FAM83B: variants seen among roughly 807,000 people sequenced by gnomAD.
FAM83B encodes the protein protein FAM83B.
FAM83B carries 26 observed loss-of-function variants against 38.8 expected under a neutral mutation model. The ratio of observed to expected loss-of-function variants is 0.67; its 90% confidence interval spans 0.49 to 0.93. The LOEUF (loss-of-function observed/expected upper bound fraction) is 0.93, where lower values mean the gene tolerates loss of function less well. FAM83B is among the 40% of genes least tolerant of loss of function. The pLI, the probability that FAM83B is intolerant of heterozygous loss-of-function variation, is 0.00. For missense variants in FAM83B, 1,237 were observed against 1,197.3 expected, an observed-to-expected ratio of 1.03 and a Z score of -0.49; for synonymous variants, 419 against 423.1, an observed-to-expected ratio of 0.99 and a Z score of 0.12.
rs1261940771 is a variant in FAM83B at position 54,941,887 on chromosome 6, T to C, written c.2916T>C (p.Tyr972=). 2 of 1,613,994 alleles carry C rather than the reference T, an allele frequency of 1.2e-6. No homozygotes were observed. The highest frequency in any genetic ancestry group is 1.7e-6 in the Non-Finnish European group (2 of 1,180,016). ...AATCTGCGACTATGGGCAACAGTTATGGCAGGTCTAGTCCATTGCTTAATT... is the reference window on the plus strand; with the variant it reads ...AATCTGCGACTATGGGCAACAGTTACGGCAGGTCTAGTCCATTGCTTAATT... ...EIKSATMGNS[Y]GRSSPLLNYN... is the part of the protein sequence containing the mutation. Residue 972 remains tyrosine (Y), a synonymous_variant, in exon 5 of 5, where the codon TAT becomes TAC. Coordinates refer to ENST00000306858, the MANE Select transcript of FAM83B (RefSeq NM_001010872.3).
chr6:54,879,432 G>A (rs1772073621), intron 2 of FAM83B, among the ~76,000 whole-genome samples: 1 of 152,146 alleles, frequency 6.6e-6, no homozygotes, highest in Admixed American at 6.5e-5. Flanking sequence ...ACTTTTACAG[G>A]CAATTATTTC....
At chr6:54,887,526 T>G (rs1486269466) in intron 2 of FAM83B, among the ~76,000 whole-genome samples, 1 of 152,174 alleles carries the variant, frequency 6.6e-6, no homozygotes, top group African/African-American at 2.4e-5. Context: ...ACTTTGGTTT[T>G]TTTGTTTATT....
chr6:54,912,698 C>G lies in FAM83B; in HGVS notation c.445-13673C>G, dbSNP rs1229738645. ...ACATGGCTAAAGTTGTTCAGTTTAGCCTGATGGCCCCCTGAAAATTTATTT... is the reference window on the plus strand; with the variant it reads ...ACATGGCTAAAGTTGTTCAGTTTAGGCTGATGGCCCCCTGAAAATTTATTT... On this transcript the variant is annotated intron_variant, in intron 2 of 4. Coordinates refer to ENST00000306858, the MANE Select transcript of FAM83B (RefSeq NM_001010872.3). 2.6e-5 allele frequency among the ~76,000 whole-genome samples: 4 copies of G among 152,024 alleles called. No individual in the cohort carries two copies. In the East Asian group the frequency reaches 7.7e-4, roughly 29 times the overall value.
At chr6:54,891,885 G>A (rs1357558336) in intron 2 of FAM83B, among the ~76,000 whole-genome samples, 2 of 151,884 alleles carry the variant, frequency 1.3e-5, no homozygotes, top group African/African-American at 4.8e-5. Flanking sequence ...TAGAACTCCT[G>A]AACTCAAGTG....
rs1380716358 is a variant in FAM83B at position 54,939,870 on chromosome 6, T to C, written c.899T>C (p.Leu300Pro). The change falls in exon 5 of 5, where the codon CTC becomes CCC. Residue 300 changes from leucine (L) to proline (P), a missense_variant. Transcript: ENST00000306858. ...ESARVKHGKA[L>P]WENGTYQHSV... ...GCAAGGGTGAAGCATGGAAAAGCCCTCTGGGAAAATGGCACTTACCAGCAT... is the reference window on the plus strand; with the variant it reads ...GCAAGGGTGAAGCATGGAAAAGCCCCCTGGGAAAATGGCACTTACCAGCAT... 3 of 1,613,922 alleles carry C rather than the reference T, an allele frequency of 1.9e-6. No homozygotes were observed. The African/African-American group carries it at 4.0e-5, about 22-fold the overall frequency.
intron 4 of FAM83B, among the ~76,000 whole-genome samples, chr6:54,936,655 A>G (rs1414655202): frequency 6.6e-6 from 1 of 151,792 alleles, no homozygotes; most frequent in Non-Finnish European, 1.5e-5. Context: ...TTCAACTAGA[A>G]CATGACCCTT....
intron 2 of FAM83B, among the ~76,000 whole-genome samples, chr6:54,885,880 A>T (rs1772263130): frequency 6.6e-6 from 1 of 151,952 alleles, no homozygotes; most frequent in Admixed American, 6.6e-5. Context: ...TGACGAGTTA[A>T]TGGGTGCAGC....
intron 2 of FAM83B, among the ~76,000 whole-genome samples, chr6:54,904,790 A>G (rs532774519): frequency 5.3e-5 from 8 of 152,352 alleles, no homozygotes; most frequent in East Asian, 3.9e-4. Flanking sequence ...CAAACTTGGC[A>G]TAGTAGGAGT....
intron 1 of FAM83B, among the ~76,000 whole-genome samples, chr6:54,869,030 T>C (rs1418905492): frequency 6.6e-6 from 1 of 152,152 alleles, no homozygotes; most frequent in Non-Finnish European, 1.5e-5. Flanking sequence ...GGAAAGTCCA[T>C]CATCTGATTG....
At chr6:54,911,140 C>CGTGTGTGTGTGTGTGTGT (rs138421344) in intron 2 of FAM83B, among the ~76,000 whole-genome samples, 64 of 147,496 alleles carry the variant, frequency 4.3e-4, no homozygotes, top group Non-Finnish European at 6.9e-4. Context: ...TGACACACAG[C>CGTGTGTGTGTGTGTGTGT]GTGTGTGTGT....
intron 1 of FAM83B, among the ~76,000 whole-genome samples, chr6:54,850,930 AT>A: frequency 6.7e-6 from 1 of 149,250 alleles, no homozygotes; most frequent in East Asian, 2.0e-4. Flanking sequence ...GAGGCAGAGA[AT>A]TTTTTGAACC....
chr6:54,870,325 T>G lies in FAM83B; in HGVS notation c.79T>G (p.Trp27Gly), dbSNP rs1345579182. 7.4e-6 allele frequency: 12 copies of G among 1,613,818 alleles called. No homozygotes were observed. Among genetic ancestry groups the G allele is most frequent in the Non-Finnish European group, 1.0e-5 (12 of 1,179,898 alleles). Residue 27 changes from tryptophan (W) to glycine (G), a missense_variant, in exon 2 of 5, where the codon TGG becomes GGG. Transcript: ENST00000306858. Reference protein sequence around the residue: ...DNYIEPHYKEWYRVAIDILIE... With the variant: ...DNYIEPHYKEGYRVAIDILIE... Reference sequence around the variant, plus strand: ...CTACATTGAGCCTCACTACAAGGAATGGTATCGAGTAGCCATTGATATTCT... The same window carrying G: ...CTACATTGAGCCTCACTACAAGGAAGGGTATCGAGTAGCCATTGATATTCT...
Position 54,941,434 on chromosome 6 carries a change from C to A in FAM83B, c.2463C>A (p.Asp821Glu). The A allele has an allele frequency of 1.2e-6, 2 of 1,613,104 alleles. No individual in the cohort carries two copies. Among genetic ancestry groups the A allele is most frequent in the Non-Finnish European group, 1.7e-6 (2 of 1,179,798 alleles). ...AAAATCAAAAACCAAAGAAATCAGA[C>A]ACAAAAGTTGATTCATCTCCTAGAA... ...GEENQKPKKS[D>E]TKVDSSPRRK... Residue 821 changes from aspartate to glutamate, a missense_variant, in exon 5 of 5, where the codon GAC becomes GAA. Physicochemically the swap from Asp to Glu is conservative, Grantham distance 45. Coordinates refer to ENST00000306858, the MANE Select transcript of FAM83B (RefSeq NM_001010872.3).
At chr6:54,857,729 A>C (rs2127572451) in intron 1 of FAM83B, among the ~76,000 whole-genome samples, 1 of 152,318 alleles carries the variant, frequency 6.6e-6, no homozygotes, top group East Asian at 1.9e-4. Flanking sequence ...AAGGGGGTAC[A>C]GGAAATAGCA....
At chr6:54,930,541 A>T (rs1457573676) in intron 4 of FAM83B, among the ~76,000 whole-genome samples, 2 of 152,100 alleles carry the variant, frequency 1.3e-5, no homozygotes, top group Non-Finnish European at 2.9e-5. Context: ...AAATTAAAAA[A>T]TTTATAATTC....
At chr6:54,866,604 T>C (rs1771711609) in intron 1 of FAM83B, among the ~76,000 whole-genome samples, 1 of 152,156 alleles carries the variant, frequency 6.6e-6, no homozygotes, top group Non-Finnish European at 1.5e-5. Context: ...TTGTTGCATG[T>C]ATTAGTAGGC....
At position 54,940,479 on chromosome 6, in the gene FAM83B, A is replaced by T; in HGVS notation, c.1508A>T (p.Asp503Val). The change falls in exon 5 of 5, where the codon GAT becomes GTT. Residue 503 changes from aspartate to valine, a missense_variant. Transcript: ENST00000306858. ...TGGAGAATTGAATCCTACTTAAATG[A>T]TCATTCAGAAGCTACACCGGACTCA... ...RNWRIESYLN[D>V]HSEATPDSNG... The T allele has an allele frequency of 6.2e-7, 1 of 1,614,086 alleles. No individual in the cohort carries two copies. The highest frequency in any genetic ancestry group is 8.5e-7 in the Non-Finnish European group (1 of 1,180,024).
chr6:54,886,113 C>T (rs1772268531), intron 2 of FAM83B, among the ~76,000 whole-genome samples: 1 of 151,986 alleles, frequency 6.6e-6, no homozygotes, highest in Non-Finnish European at 1.5e-5. Context: ...AGAAAGATAT[C>T]ACCAATGCAA....
At chr6:54,933,508 T>C (rs59549804) in intron 4 of FAM83B, among the ~76,000 whole-genome samples, 4,463 of 151,926 alleles carry the variant, frequency 0.029, 222 homozygotes, top group African/African-American at 0.1. Flanking sequence ...GTTTCTGGAG[T>C]TTTATTTTAT....
Sources: gnomAD v4.1 joint callset for allele counts (sites outside exome capture counted in the v4.1 genomes callset) on GRCh38, gnomAD v4.1.1 for gene constraint, MANE v1.5 for transcripts, NCBI Gene and HGNC (gene_info 2026-07-23, HGNC 2026-07-21) for gene names.